PCDH9: variants seen among roughly 807,000 people sequenced by gnomAD.
PCDH9 encodes protocadherin 9.
A neutral mutation model predicts 70.6 loss-of-function variants in PCDH9; 24 were observed. The observed-to-expected ratio is 0.34, with a 90% CI of 0.25 to 0.48. The LOEUF is 0.48. PCDH9 is among the 20% of genes least tolerant of loss of function. The pLI, the probability that PCDH9 is intolerant of heterozygous loss-of-function variation, is 0.99. For synonymous variants in PCDH9, 562 were observed against 558.5 expected (o/e 1.01, Z -0.09); for missense variants, 1,281 against 1,503.6 (o/e 0.85, Z 2.45).
rs900264657 is a variant in PCDH9 at position 66,814,647 on chromosome 13, C to A, written c.3138+88857G>T. 1.2e-4 allele frequency among the ~76,000 whole-genome samples: 18 copies of A among 152,182 alleles called. No individual in the cohort carries two copies. In the East Asian group the frequency reaches 2.1e-3, roughly 18 times the overall value. Reference sequence around the variant, plus strand: ...ATTGGGCTCCTAATAAAATATCCGGCTTCCAATGAGGAAAGGACTTCTCAT... The same window carrying A: ...ATTGGGCTCCTAATAAAATATCCGGATTCCAATGAGGAAAGGACTTCTCAT... On this transcript the variant is annotated intron_variant, in intron 3 of 4. Coordinates refer to ENST00000377865, the MANE Select transcript of PCDH9 (RefSeq NM_203487.3).
At chr13:66,561,725 T>A (rs1238072785) in intron 4 of PCDH9, among the ~76,000 whole-genome samples, 6 of 152,004 alleles carry the variant, frequency 3.9e-5, no homozygotes, top group Non-Finnish European at 8.8e-5. Flanking sequence ...GGAGAACCGT[T>A]GTGTCTAGCT....
intron 4 of PCDH9, among the ~76,000 whole-genome samples, chr13:66,390,469 C>T (rs1956998639): frequency 6.6e-6 from 1 of 152,118 alleles, no homozygotes; most frequent in African/African-American, 2.4e-5. Context: ...GGTGTGATGG[C>T]TCATGCCTGT....
At chr13:66,596,386 GAGATTAAAATA>G (rs1402277985) in intron 4 of PCDH9, among the ~76,000 whole-genome samples, 2 of 151,510 alleles carry the variant, frequency 1.3e-5, no homozygotes, top group African/African-American at 4.8e-5. Flanking sequence ...ATAAAATCCA[GAGATTAAAATA>G]AGATGATTCC....
rs1245809060 is a variant in PCDH9 at position 66,937,451 on chromosome 13, T to A, written c.3037-33846A>T. On this transcript the variant is annotated intron_variant, in intron 2 of 4. Coordinates refer to ENST00000377865, the MANE Select transcript of PCDH9 (RefSeq NM_203487.3). ...CTATTTGAAGTTATATATTTCTTCT[T>A]TATTCTTATTACTGCCTGTCTCCAC... Among the ~76,000 whole-genome samples the A allele has an allele frequency of 2.0e-5, 3 of 152,350 alleles. No homozygotes were observed. In the South Asian group the frequency reaches 6.2e-4, roughly 32 times the overall value.
At chr13:67,161,728 A>G (rs144992966) in intron 2 of PCDH9, among the ~76,000 whole-genome samples, 1 of 152,340 alleles carries the variant, frequency 6.6e-6, no homozygotes. Context: ...GGCAGGGTTA[A>G]TGTGAGCAGG....
intron 3 of PCDH9, among the ~76,000 whole-genome samples, chr13:66,771,883 C>T (rs1268546421): frequency 6.6e-6 from 1 of 152,120 alleles, no homozygotes; most frequent in Non-Finnish European, 1.5e-5. Context: ...GTTGTGCTAA[C>T]ATTATGGTAG....
intron 2 of PCDH9, among the ~76,000 whole-genome samples, chr13:66,984,019 A>G (rs1424755737): frequency 6.6e-6 from 1 of 152,080 alleles, no homozygotes; most frequent in African/African-American, 2.4e-5. Context: ...CTAAACATAC[A>G]AGAAAGAGAT....
chr13:66,849,960 A>C (rs207473949), intron 3 of PCDH9, among the ~76,000 whole-genome samples: 1 of 152,180 alleles, frequency 6.6e-6, no homozygotes, highest in African/African-American at 2.4e-5. Context: ...TCTACAGGGA[A>C]GGAAAGGTCA....
rs1338403419 is a variant in PCDH9, at chr13:66,738,455, G to A, written c.3139-107044C>T. Among the ~76,000 whole-genome samples, 19 of 150,248 alleles carry A rather than the reference G, an allele frequency of 1.3e-4. No individual in the cohort carries two copies. In the East Asian group the frequency reaches 2.6e-3, roughly 20 times the overall value. ...AGCGCCTCTCCTCCTCCAAAGGAAC[G>A]CAGTTCCTCACCAGCAACGGAACAA... On this transcript the variant is annotated intron_variant, in intron 3 of 4. Transcript: ENST00000377865.
intron 4 of PCDH9, among the ~76,000 whole-genome samples, chr13:66,458,316 T>G (rs1958358643): frequency 6.6e-6 from 1 of 152,042 alleles, no homozygotes; most frequent in Non-Finnish European, 1.5e-5. Context: ...AAATGGAAAC[T>G]ACATAGTATT....
chr13:67,024,158 A>C (rs987942542), intron 2 of PCDH9, among the ~76,000 whole-genome samples: 4 of 152,200 alleles, frequency 2.6e-5, no homozygotes, highest in African/African-American at 7.2e-5. Context: ...TTTACCTACA[A>C]TTACTGGATA....
intron 4 of PCDH9, among the ~76,000 whole-genome samples, chr13:66,523,165 T>C (rs756292361): frequency 3.9e-5 from 6 of 152,174 alleles, no homozygotes; most frequent in Non-Finnish European, 7.4e-5. Context: ...TTGCTCTCCC[T>C]GAATCATTAC....
At chr13:66,760,814 A>C (rs956423228) in intron 3 of PCDH9, among the ~76,000 whole-genome samples, 1 of 151,960 alleles carries the variant, frequency 6.6e-6, no homozygotes, top group African/African-American at 2.4e-5. Flanking sequence ...TCCCAGGGGG[A>C]GGTCTCGAAA....
At chr13:66,412,213 G>A (rs1957382459) in intron 4 of PCDH9, among the ~76,000 whole-genome samples, 1 of 152,168 alleles carries the variant, frequency 6.6e-6, no homozygotes, top group Admixed American at 6.5e-5. Flanking sequence ...CCAGGCTGGA[G>A]TGCAGTAATG....
intron 4 of PCDH9, among the ~76,000 whole-genome samples, chr13:66,457,299 CAT>C (rs1443165839): frequency 6.6e-6 from 1 of 152,028 alleles, no homozygotes; most frequent in Non-Finnish European, 1.5e-5. Flanking sequence ...TCCTCAAAAA[CAT>C]GTGAGGCTTC....
intron 4 of PCDH9, among the ~76,000 whole-genome samples, chr13:66,523,539 C>CAT (rs377191150): frequency 0.044 from 6,616 of 150,820 alleles, 447 homozygotes; most frequent in African/African-American, 0.14. Flanking sequence ...ATGAACTTAA[C>CAT]ATATATATAT....
At chr13:66,335,879 C>T (rs181187823) in intron 4 of PCDH9, among the ~76,000 whole-genome samples, 19 of 152,086 alleles carry the variant, frequency 1.2e-4, no homozygotes, top group East Asian at 5.8e-4. Context: ...GCATGGTTTC[C>T]GGAGGCCCGT....
At chr13:66,535,042 C>A (rs999111611) in intron 4 of PCDH9, among the ~76,000 whole-genome samples, 6 of 151,878 alleles carry the variant, frequency 4.0e-5, no homozygotes, top group Non-Finnish European at 8.8e-5. Flanking sequence ...GTCCTTTGAT[C>A]CAAATCTGCT....
intron 4 of PCDH9, among the ~76,000 whole-genome samples, chr13:66,401,710 G>T (rs1957191100): frequency 6.6e-6 from 1 of 151,762 alleles, no homozygotes; most frequent in African/African-American, 2.4e-5. Context: ...TCTTTACCTG[G>T]CTAACTCTTA....
Sources: allele counts gnomAD v4.1 joint callset (sites outside exome capture counted in the v4.1 genomes callset), GRCh38; gene constraint gnomAD v4.1.1; transcripts MANE v1.5; gene names NCBI Gene and HGNC (gene_info 2026-07-23, HGNC 2026-07-21).